The following ERC2 variants were observed in gnomAD, a reference collection of about 807,000 sequenced individuals.
ERC2 encodes ERC protein 2.
A neutral mutation model predicts 114.8 loss-of-function variants in ERC2; 42 were observed. The observed-to-expected ratio is 0.37, with a 90% CI of 0.29 to 0.47. ERC2 has a LOEUF of 0.47. ERC2 is among the 20% of genes least tolerant of loss of function. The pLI, the probability that ERC2 is intolerant of heterozygous loss-of-function variation, is 0.99. For synonymous variants in ERC2, 454 were observed against 425.5 expected, an observed-to-expected ratio of 1.07 and a Z score of -0.82; for missense variants, 939 against 1,150.7, an observed-to-expected ratio of 0.82 and a Z score of 2.66.
chr3:56,075,928 AT>A (rs1336245822), intron 7 of ERC2, among the ~76,000 whole-genome samples: 8 of 151,774 alleles, frequency 5.3e-5, no homozygotes, highest in East Asian at 3.9e-4. Flanking sequence ...CTATAAAAAA[AT>A]TTTTTTTTCC....
intron 1 of ERC2, among the ~76,000 whole-genome samples, chr3:56,451,600 A>T (rs961641906): frequency 2.0e-5 from 3 of 152,240 alleles, no homozygotes; most frequent in African/African-American, 7.2e-5. Context: ...CCCCTTAACA[A>T]TGGAAATTAG....
At chr3:55,764,300 T>G (rs1243788257) in intron 14 of ERC2, among the ~76,000 whole-genome samples, 1 of 152,250 alleles carries the variant, frequency 6.6e-6, no homozygotes, top group Non-Finnish European at 1.5e-5. Flanking sequence ...CATTTTCTTC[T>G]TAGGCAATTT....
chr3:56,261,129 T>C (rs1047116767), intron 3 of ERC2, among the ~76,000 whole-genome samples: 5 of 152,144 alleles, frequency 3.3e-5, no homozygotes, highest in African/African-American at 1.2e-4. Flanking sequence ...ATACCCTCTG[T>C]CTTTAGCGGG....
intron 6 of ERC2, among the ~76,000 whole-genome samples, chr3:56,138,429 C>T (rs1257570338): frequency 1.3e-5 from 2 of 152,158 alleles, no homozygotes; most frequent in Non-Finnish European, 2.9e-5. Flanking sequence ...CGAATTGAAG[C>T]ATTCAGGTAG....
chr3:55,675,944 G>C (rs1242393950), intron 17 of ERC2, among the ~76,000 whole-genome samples: 6 of 44,068 alleles, frequency 1.4e-4, no homozygotes, highest in Admixed American at 1.1e-3. Context: ...TTTTGAGAGA[G>C]AGTTTCGCTC....
At chr3:56,290,841 C>A (rs1372723918) in intron 3 of ERC2, among the ~76,000 whole-genome samples, 1 of 152,088 alleles carries the variant, frequency 6.6e-6, no homozygotes. Flanking sequence ...GTCTGCCCAC[C>A]CCCAGCACAG....
intron 2 of ERC2, among the ~76,000 whole-genome samples, chr3:56,377,482 T>C (rs2059588644): frequency 6.6e-6 from 1 of 152,244 alleles, no homozygotes; most frequent in Non-Finnish European, 1.5e-5. Flanking sequence ...TATAGTAGAT[T>C]ATCATCTCAC....
At chr3:56,128,923 T>C (rs150896144) in intron 6 of ERC2, among the ~76,000 whole-genome samples, 2 of 152,342 alleles carry the variant, frequency 1.3e-5, no homozygotes, top group East Asian at 1.9e-4. Flanking sequence ...CCAAGTAGTA[T>C]TGTAGGAGCC....
In ERC2 at chr3:55,967,043, ACTAT is replaced by A. The variant is rs2068797896; in HGVS notation, c.2268-16487_2268-16484del. 7.2e-5 allele frequency among the ~76,000 whole-genome samples: 11 copies of A among 152,308 alleles called. No homozygotes were observed. In the South Asian group the frequency reaches 2.3e-3, roughly 32 times the overall value. On this transcript the variant is annotated intron_variant, in intron 12 of 17. Coordinates refer to ENST00000288221, the MANE Select transcript of ERC2 (RefSeq NM_015576.3). ...AACAGAGACATTGCAAAGACTAAAA[ACTAT>A]CTGATACTCCTTGAAAATAGACAGA...
chr3:55,586,315 T>C (rs569157012), intron 17 of ERC2, among the ~76,000 whole-genome samples: 24 of 152,378 alleles, frequency 1.6e-4, no homozygotes, highest in African/African-American at 5.8e-4. Flanking sequence ...CCAGCCATGA[T>C]GCTTAGAAAA....
intron 14 of ERC2, among the ~76,000 whole-genome samples, chr3:55,763,410 T>C (rs2149001694): frequency 6.6e-6 from 1 of 152,316 alleles, no homozygotes; most frequent in Non-Finnish European, 1.5e-5. Flanking sequence ...AGTGAGACTA[T>C]GAAGAAAATT....
intron 6 of ERC2, among the ~76,000 whole-genome samples, chr3:56,137,099 T>G (rs2080554045): frequency 6.6e-6 from 1 of 152,106 alleles, no homozygotes. Context: ...GGGAGGGGAA[T>G]GAGAAAGGAA....
At chr3:55,605,236 C>T (rs1168098007) in intron 17 of ERC2, among the ~76,000 whole-genome samples, 1 of 151,996 alleles carries the variant, frequency 6.6e-6, no homozygotes, top group Non-Finnish European at 1.5e-5. Flanking sequence ...CAGACTCAGC[C>T]TCCTAATTAG....
intron 14 of ERC2, among the ~76,000 whole-genome samples, chr3:55,866,683 AATC>A (rs1419093822): frequency 6.6e-6 from 1 of 152,176 alleles, no homozygotes; most frequent in African/African-American, 2.4e-5. Flanking sequence ...AGTTTTAAGA[AATC>A]ATCCATTAAG....
At chr3:55,782,370 A>G (rs944934804) in intron 14 of ERC2, among the ~76,000 whole-genome samples, 6 of 152,168 alleles carry the variant, frequency 3.9e-5, no homozygotes, top group African/African-American at 1.4e-4. Context: ...TTTCAGCAAA[A>G]AGCACCATCA....
At chr3:56,351,095 C>T (rs1381030635) in intron 2 of ERC2, among the ~76,000 whole-genome samples, 1 of 152,064 alleles carries the variant, frequency 6.6e-6, no homozygotes, top group Non-Finnish European at 1.5e-5. Flanking sequence ...AAGGATGATA[C>T]TATTAATGGT....
intron 5 of ERC2, among the ~76,000 whole-genome samples, chr3:56,141,167 G>A (rs771930682): frequency 9.9e-5 from 15 of 152,214 alleles, no homozygotes; most frequent in African/African-American, 2.2e-4. Context: ...TTTGATATGC[G>A]TTGTGCAGGT....
chr3:56,109,138 A>G (rs9833283), intron 6 of ERC2, among the ~76,000 whole-genome samples: 2,178 of 152,080 alleles, frequency 0.014, 42 homozygotes, highest in African/African-American at 0.034. Flanking sequence ...CTAGTACCTA[A>G]TAGTTATTTT....
At chr3:56,164,547 C>T (rs145958379) in intron 4 of ERC2, among the ~76,000 whole-genome samples, 5 of 152,140 alleles carry the variant, frequency 3.3e-5, no homozygotes, top group Admixed American at 1.3e-4. Context: ...ATAATGGTAG[C>T]GTGAACACTT....
Sources: gnomAD v4.1 joint callset for allele counts (sites outside exome capture counted in the v4.1 genomes callset) on GRCh38, gnomAD v4.1.1 for gene constraint, MANE v1.5 for transcripts, NCBI Gene and HGNC (gene_info 2026-07-23, HGNC 2026-07-21) for gene names.